Variants in PDE4B observed in about 807,000 individuals in gnomAD.
PDE4B encodes the protein 3',5'-cyclic-AMP phosphodiesterase 4B.
Under a neutral mutation model 82.2 loss-of-function variants are expected in PDE4B, and 20 were observed. The observed-to-expected ratio is 0.24, with a 90% CI of 0.17 to 0.35. The LOEUF (loss-of-function observed/expected upper bound fraction) is 0.35, where lower values mean the gene tolerates loss of function less well. Among genes scored for constraint, PDE4B ranks in the 10% least tolerant of loss-of-function variants. PDE4B has a pLI of 1.00. For missense variants in PDE4B, 655 were observed against 907.2 expected (o/e 0.72, Z 3.57); for synonymous variants, 320 against 318.9 (o/e 1.00, Z -0.04).
intron 3 of PDE4B, among the ~76,000 whole-genome samples, chr1:66,183,396 T>C (rs1647112478): frequency 6.6e-6 from 1 of 152,184 alleles, no homozygotes; most frequent in African/African-American, 2.4e-5. Context: ...TGATAAAATA[T>C]GTTCAGATGC....
rs771718314 is a variant in PDE4B at position 66,368,073 on chromosome 1, A to T, written c.1662+8A>T. The T allele has an allele frequency of 1.4e-5, 22 of 1,611,944 alleles. No homozygotes were observed. The highest frequency in any genetic ancestry group is 1.8e-5 in the Non-Finnish European group (21 of 1,179,252). On this transcript the variant is annotated splice_region_variant and intron_variant, in intron 15 of 16. Coordinates refer to ENST00000341517, the MANE Select transcript of PDE4B (RefSeq NM_002600.4). ...TATACCGATCGCATTCAGGTATTTG[A>T]GGAAAGTCTTTGATTTAACACAAAA...
intron 3 of PDE4B, among the ~76,000 whole-genome samples, chr1:66,133,573 A>C (rs1177372109): frequency 6.6e-6 from 1 of 152,190 alleles, no homozygotes; most frequent in Non-Finnish European, 1.5e-5. Flanking sequence ...CCTTGTCTTG[A>C]GTCATTGAGC....
At chr1:66,310,864 C>T (rs761417573) in intron 7 of PDE4B, among the ~76,000 whole-genome samples, 1 of 152,084 alleles carries the variant, frequency 6.6e-6, no homozygotes, top group Admixed American at 6.6e-5. Flanking sequence ...AAGGTAATGC[C>T]TACTTTGTAA....
At position 66,019,420 on chromosome 1, in the gene PDE4B, A is replaced by G. The variant is rs1294120643; in HGVS notation, c.281+100585A>G. ...ACCCAGGCTGGAGTGCAGTGATGTG[A>G]TCTTGGTTTGCTGCAGCCTCTGCCT... On this transcript the variant is annotated intron_variant, in intron 3 of 16. Coordinates refer to ENST00000341517, the MANE Select transcript of PDE4B (RefSeq NM_002600.4). Among the ~76,000 whole-genome samples the G allele has an allele frequency of 3.0e-5, 4 of 132,422 alleles. 1 individual carries two copies. The highest frequency in any genetic ancestry group is 1.1e-4 in the African/African-American group (4 of 35,124). 86.9% of individuals were successfully genotyped at this position (132,422 alleles called of 152,430 possible).
intron 3 of PDE4B, among the ~76,000 whole-genome samples, chr1:65,959,498 A>G (rs1325572814): frequency 6.6e-6 from 1 of 152,188 alleles, no homozygotes; most frequent in Non-Finnish European, 1.5e-5. Context: ...GTCCATGTCA[A>G]TTAACTCATT....
At chr1:65,949,001 T>C (rs899576763) in intron 3 of PDE4B, among the ~76,000 whole-genome samples, 1 of 152,096 alleles carries the variant, frequency 6.6e-6, no homozygotes, top group Non-Finnish European at 1.5e-5. Flanking sequence ...AGGGACAAAA[T>C]GTTCTATGAG....
chr1:65,826,722 A>C (rs1361647026), intron 1 of PDE4B, among the ~76,000 whole-genome samples: 1 of 152,090 alleles, frequency 6.6e-6, no homozygotes, highest in African/African-American at 2.4e-5. Context: ...AAAATGTTCT[A>C]CTCTGGGAAG....
intron 3 of PDE4B, among the ~76,000 whole-genome samples, chr1:66,239,314 CT>C (rs1652699534): frequency 6.6e-6 from 1 of 152,142 alleles, no homozygotes; most frequent in African/African-American, 2.4e-5. Flanking sequence ...AGCCACCCCC[CT>C]CCCTGGCCCT....
chr1:66,144,611 C>T (rs1363653914), intron 3 of PDE4B, among the ~76,000 whole-genome samples: 1 of 152,138 alleles, frequency 6.6e-6, no homozygotes, highest in Non-Finnish European at 1.5e-5. Flanking sequence ...AGAATTTAGA[C>T]TTAGATTTTC....
chr1:66,233,830 T>G (rs1012805783), intron 3 of PDE4B, among the ~76,000 whole-genome samples: 2 of 152,204 alleles, frequency 1.3e-5, no homozygotes, highest in African/African-American at 4.8e-5. Flanking sequence ...TGATTTTTTT[T>G]TGTCTGTTAT....
intron 7 of PDE4B, among the ~76,000 whole-genome samples, chr1:66,283,907 T>G (rs910168436): frequency 1.3e-5 from 2 of 151,820 alleles, no homozygotes; most frequent in African/African-American, 2.4e-5. Flanking sequence ...GAGAGAGAGA[T>G]TCATTCACCA....
intron 3 of PDE4B, among the ~76,000 whole-genome samples, chr1:65,963,030 C>G (rs1209129431): frequency 1.3e-5 from 2 of 152,132 alleles, no homozygotes; most frequent in Non-Finnish European, 2.9e-5. Flanking sequence ...GTTGTAAATA[C>G]TCTCACCATA....
intron 6 of PDE4B, among the ~76,000 whole-genome samples, chr1:66,265,629 C>T (rs1044662594): frequency 6.6e-6 from 1 of 152,156 alleles, no homozygotes; most frequent in Non-Finnish European, 1.5e-5. Context: ...AGTGATTGAT[C>T]GCCAAGGGTT....
At chr1:65,864,942 A>C (rs569667017) in intron 1 of PDE4B, among the ~76,000 whole-genome samples, 1 of 152,300 alleles carries the variant, frequency 6.6e-6, no homozygotes, top group Admixed American at 6.5e-5. Context: ...CTCAGAGCCC[A>C]CAGGCAGGAA....
At chr1:66,186,623 T>C (rs1647222814) in intron 3 of PDE4B, among the ~76,000 whole-genome samples, 1 of 152,188 alleles carries the variant, frequency 6.6e-6, no homozygotes, top group Non-Finnish European at 1.5e-5. Context: ...CAGTCATGAT[T>C]TGGCTCTGTT....
chr1:65,929,873 C>A (rs1647734289), intron 3 of PDE4B, among the ~76,000 whole-genome samples: 1 of 152,198 alleles, frequency 6.6e-6, no homozygotes, highest in African/African-American at 2.4e-5. Context: ...GAATCCTTAG[C>A]ATTTTTGAGT....
intron 1 of PDE4B, among the ~76,000 whole-genome samples, chr1:65,811,132 G>A (rs1645814837): frequency 1.3e-5 from 2 of 152,198 alleles, no homozygotes. Flanking sequence ...ATCACCTGAA[G>A]TTGAAAACTA....
At chr1:66,300,288 C>T (rs149682593) in intron 7 of PDE4B, among the ~76,000 whole-genome samples, 290 of 152,210 alleles carry the variant, frequency 1.9e-3, no homozygotes, top group Non-Finnish European at 3.3e-3. Flanking sequence ...ATTCTGGCAC[C>T]TCGTCAGGAC....
At chr1:66,309,214 T>G (rs1658498243) in intron 7 of PDE4B, among the ~76,000 whole-genome samples, 1 of 152,226 alleles carries the variant, frequency 6.6e-6, no homozygotes, top group South Asian at 2.1e-4. Flanking sequence ...TGTTAACCAT[T>G]CTGCAATACA....
Sources: gnomAD v4.1 joint callset for allele counts (sites outside exome capture counted in the v4.1 genomes callset) on GRCh38, gnomAD v4.1.1 for gene constraint, MANE v1.5 for transcripts, NCBI Gene and HGNC (gene_info 2026-07-23, HGNC 2026-07-21) for gene names.